Variants in FAIM2 observed in about 807,000 individuals in gnomAD.
FAIM2 encodes the protein protein lifeguard 2.
FAIM2 carries 27 observed loss-of-function variants against 47.4 expected under a neutral mutation model. The ratio of observed to expected loss-of-function variants is 0.57; its 90% confidence interval spans 0.42 to 0.78. The LOEUF is 0.78. Among genes scored for constraint, FAIM2 ranks in the 30% least tolerant of loss-of-function variants. The pLI is 0.00. For missense variants in FAIM2, 311 were observed against 389.4 expected (o/e 0.80, Z 1.69); for synonymous variants, 156 against 159.3 (o/e 0.98, Z 0.16).
chr12:49,896,962 A>C, intron 5 of FAIM2, 69 bp downstream of exon 5: 1 of 1,284,832 alleles, frequency 7.8e-7, no homozygotes, highest in Non-Finnish European at 1.1e-6. Context: ...GTCAAGAAAG[A>C]CACAGAGATT....
At chr12:49,882,615 T>C (rs1349692963) in intron 11 of FAIM2, among the ~76,000 whole-genome samples, 1 of 151,772 alleles carries the variant, frequency 6.6e-6, no homozygotes, top group East Asian at 1.9e-4. Context: ...GATCTCCTAA[T>C]GAGATAATTG....
rs530801828 is a variant in FAIM2, at chr12:49,900,239, A to G, written c.211+891T>C. ...GGATTTGTAGTGGGAGGTGTAGACCATGGTGGCTACTCCCTATGAGCAGAG... is the reference window on the plus strand; with the variant it reads ...GGATTTGTAGTGGGAGGTGTAGACCGTGGTGGCTACTCCCTATGAGCAGAG... On this transcript the variant is annotated intron_variant, in intron 2 of 11. Coordinates refer to ENST00000320634, the MANE Select transcript of FAIM2 (RefSeq NM_012306.4). The G allele has an allele frequency of 3.8e-4, 489 of 1,279,806 alleles. 1 individual carries two copies. In the African/African-American group the frequency reaches 6.9e-3, roughly 18 times the overall value. 79.3% of individuals were successfully genotyped at this position (1,279,806 alleles called of 1,614,324 possible). A position where few individuals can be genotyped will look rare whatever the true frequency, so the allele number is the denominator to read the frequency against.
At chr12:49,872,904 T>TTAATGACAC (rs2137078306) in intron 11 of FAIM2, among the ~76,000 whole-genome samples, 1 of 152,358 alleles carries the variant, frequency 6.6e-6, no homozygotes, top group South Asian at 2.1e-4. Context: ...TGACACATAG[T>TTAATGACAC]AAGCACTTAA....
rs1448531307 is a variant in FAIM2, at chr12:49,880,014, ATG to A, written c.801+7370_801+7371del. ...TGCATGTGTGCATATATGCGTGTGTATGTGTCTGTGTGCATGTGAGTGTATAT... is the reference window on the plus strand; with the variant it reads ...TGCATGTGTGCATATATGCGTGTGTATGTCTGTGTGCATGTGAGTGTATAT... On this transcript the variant is annotated intron_variant, in intron 11 of 11. Coordinates refer to ENST00000320634, the MANE Select transcript of FAIM2 (RefSeq NM_012306.4). Among the ~76,000 whole-genome samples the A allele has an allele frequency of 2.3e-3, 325 of 141,384 alleles. 1 individual carries two copies. The highest frequency in any genetic ancestry group is 0.012 in the East Asian group (55 of 4,498). 92.8% of individuals were successfully genotyped at this position (141,384 alleles called of 152,430 possible).
At chr12:49,876,665 G>A (rs1252743138) in intron 11 of FAIM2, among the ~76,000 whole-genome samples, 1 of 151,986 alleles carries the variant, frequency 6.6e-6, no homozygotes, top group Non-Finnish European at 1.5e-5. Context: ...CCAGCTACTC[G>A]GGAGGCTGAG....
At chr12:49,897,730 G>T (rs546804692) in intron 3 of FAIM2, 147 bp from the exon 4 acceptor site, 4 of 663,230 alleles carry the variant, frequency 6.0e-6, no homozygotes, top group Non-Finnish European at 1.1e-5. Flanking sequence ...AGGGCAAGGC[G>T]AAAGGAAAGC....
At chr12:49,891,754 G>T (rs1211415111) in intron 5 of FAIM2, among the ~76,000 whole-genome samples, 2 of 152,166 alleles carry the variant, frequency 1.3e-5, no homozygotes, top group Non-Finnish European at 2.9e-5. Flanking sequence ...GCCAGCACCT[G>T]GAACAAGCAG....
chr12:49,900,725 C>T (rs184384620), intron 2 of FAIM2, among the ~76,000 whole-genome samples: 1 of 152,164 alleles, frequency 6.6e-6, no homozygotes, highest in Non-Finnish European at 1.5e-5. Context: ...AAACACTGCA[C>T]CCCCACTCAC....
In FAIM2 at chr12:49,890,935, A is replaced by G. The variant is rs577147219; in HGVS notation, c.485+129T>C. The G allele has an allele frequency of 4.0e-5, 39 of 975,242 alleles. No homozygotes were observed. In the African/African-American group the frequency reaches 6.1e-4, roughly 15 times the overall value. 60.4% of individuals were successfully genotyped at this position (975,242 alleles called of 1,614,324 possible). On this transcript the variant is annotated intron_variant, in intron 6 of 11. Coordinates refer to ENST00000320634, the MANE Select transcript of FAIM2 (RefSeq NM_012306.4). ...AAAGGAGGGAGGGGCTGCCTGCTCG[A>G]TAGAGGCCCAGAGAGGGATGGGGCC... is the stretch of plus-strand genomic sequence containing the variant.
intron 5 of FAIM2, among the ~76,000 whole-genome samples, chr12:49,892,502 A>T (rs1317864644): frequency 4.6e-5 from 7 of 152,200 alleles, no homozygotes; most frequent in Non-Finnish European, 1.0e-4. Context: ...GCTCTGCCAC[A>T]TCACAGGACC....
intron 11 of FAIM2, among the ~76,000 whole-genome samples, chr12:49,879,838 G>A (rs1477697111): frequency 7.0e-6 from 1 of 142,732 alleles, no homozygotes; most frequent in Non-Finnish European, 1.6e-5. Flanking sequence ...GTGCGTGCAT[G>A]TGTGAGTGTA....
chr12:49,903,838 T>C lies in FAIM2; in HGVS notation c.-46A>G, dbSNP rs1946997996. The C allele has an allele frequency of 1.3e-5, 20 of 1,515,550 alleles. No homozygotes were observed. Among genetic ancestry groups the C allele is most frequent in the Non-Finnish European group, 1.7e-5 (19 of 1,129,624 alleles). The allele number at this position is 1,515,550 out of a possible 1,614,324, so 93.9% of individuals were successfully genotyped here. A position where few individuals can be genotyped will look rare whatever the true frequency, so the allele number is the denominator to read the frequency against. On this transcript the variant is annotated 5_prime_UTR_variant, in exon 1 of 12. Coordinates refer to ENST00000320634, the MANE Select transcript of FAIM2 (RefSeq NM_012306.4). ...GGGTCCCTGAGGCCCGGGTGGCCGCTTGGGTAACCGCAGCCTGCCTGCGTC... is the reference window on the plus strand; with the variant it reads ...GGGTCCCTGAGGCCCGGGTGGCCGCCTGGGTAACCGCAGCCTGCCTGCGTC...
intron 2 of FAIM2, chr12:49,900,134 A>G (rs1306679566): frequency 6.2e-6 from 7 of 1,128,464 alleles, no homozygotes; most frequent in South Asian, 2.6e-5. Flanking sequence ...GGAAGGGAGG[A>G]GGACACCCAC....
At chr12:49,886,227 G>A (rs767973269) in intron 11 of FAIM2, among the ~76,000 whole-genome samples, 3 of 152,160 alleles carry the variant, frequency 2.0e-5, no homozygotes, top group African/African-American at 2.4e-5. Context: ...GACTGCATTC[G>A]GGTGCGTGGG....
chr12:49,880,182 A>ATGTG (rs1420277021), intron 11 of FAIM2, among the ~76,000 whole-genome samples: 1 of 114,928 alleles, frequency 8.7e-6, no homozygotes, highest in African/African-American at 3.4e-5. Context: ...GTGTGTATGC[A>ATGTG]TGTGTGTATA....
At position 49,897,539 on chromosome 12, in the gene FAIM2, G is replaced by A. The variant is rs35720261; in HGVS notation, c.360C>T (p.Val120=). 140 of 1,614,100 alleles carry A rather than the reference G, an allele frequency of 8.7e-5. No homozygotes were observed. The highest frequency in any genetic ancestry group is 8.2e-4 in the Middle Eastern group (5 of 6,062). ...LLIQLLVTLA[V]VALFTFCDPV... ...CTCACCAGAAAGTAAAGAGAGCCAC[G>A]ACAGCCAAGGTCACCAGCAGCTGAA... Residue 120 remains valine, a synonymous_variant, in exon 4 of 12, where the codon GTC becomes GTT. Coordinates refer to ENST00000320634, the MANE Select transcript of FAIM2 (RefSeq NM_012306.4).
chr12:49,881,077 G>C (rs1946822917), intron 11 of FAIM2, among the ~76,000 whole-genome samples: 1 of 152,108 alleles, frequency 6.6e-6, no homozygotes, highest in Admixed American at 6.6e-5. Context: ...CGGAACTGGA[G>C]GTCCAGCATC....
At chr12:49,871,960 C>A (rs1216649795) in intron 11 of FAIM2, among the ~76,000 whole-genome samples, 1 of 152,166 alleles carries the variant, frequency 6.6e-6, no homozygotes, top group Non-Finnish European at 1.5e-5. Flanking sequence ...GCCACCAGGC[C>A]CAGCCCGGGA....
chr12:49,893,782 A>G lies in FAIM2; in HGVS notation c.435-2668T>C, dbSNP rs371795538. ...TGCTGAACATCCTGCTCCGTGAGGGACAGCAGAGCCATCCTGCCCGATTTA... is the reference window on the plus strand; with the variant it reads ...TGCTGAACATCCTGCTCCGTGAGGGGCAGCAGAGCCATCCTGCCCGATTTA... On this transcript the variant is annotated intron_variant, in intron 5 of 11. Transcript: ENST00000320634. 3.9e-4 allele frequency among the ~76,000 whole-genome samples: 59 copies of G among 152,254 alleles called. No individual in the cohort carries two copies. In the East Asian group the frequency reaches 4.6e-3, roughly 12 times the overall value.
Sources: allele counts gnomAD v4.1 joint callset (sites outside exome capture counted in the v4.1 genomes callset), GRCh38; gene constraint gnomAD v4.1.1; transcripts MANE v1.5; gene names NCBI Gene and HGNC (gene_info 2026-07-23, HGNC 2026-07-21).